The following EPDR1 variants were observed in gnomAD, a reference collection of about 807,000 sequenced individuals.
EPDR1 encodes mammalian ependymin-related protein 1.
Under a neutral mutation model 23.7 loss-of-function variants are expected in EPDR1, and 27 were observed. The ratio of observed to expected loss-of-function variants is 1.14; its 90% CI spans 0.84 to 1.57. The LOEUF (loss-of-function observed/expected upper bound fraction) is 1.57, where lower values mean the gene tolerates loss of function less well. EPDR1 is among the 40% of genes most tolerant of loss of function. The pLI is 0.00. For missense variants in EPDR1, 349 were observed against 290.4 expected, an observed-to-expected ratio of 1.20 and a Z score of -1.47; for synonymous variants, 137 against 118.2, an observed-to-expected ratio of 1.16 and a Z score of -1.03.
intron 1 of EPDR1, among the ~76,000 whole-genome samples, chr7:37,923,667 T>A (rs1001551112): frequency 6.6e-6 from 1 of 152,066 alleles, no homozygotes; most frequent in African/African-American, 2.4e-5. Context: ...TCTCCAAAGG[T>A]AGTATTTTTT....
intron 1 of EPDR1, among the ~76,000 whole-genome samples, chr7:37,927,631 G>A (rs1785844772): frequency 6.6e-6 from 1 of 152,196 alleles, no homozygotes; most frequent in Non-Finnish European, 1.5e-5. Context: ...TGGATTCTCA[G>A]TATGTCATCA....
chr7:37,938,158 T>A (rs868766787), intron 1 of EPDR1, among the ~76,000 whole-genome samples: 3 of 151,676 alleles, frequency 2.0e-5, no homozygotes, highest in Non-Finnish European at 4.4e-5. Context: ...GCCTGGCTAA[T>A]TTTTTGTATT....
intron 1 of EPDR1, among the ~76,000 whole-genome samples, chr7:37,927,724 ATCTTG>A (rs1481883115): frequency 3.9e-5 from 6 of 152,320 alleles, no homozygotes; most frequent in Non-Finnish European, 8.8e-5. Flanking sequence ...TTGATCATGA[ATCTTG>A]TCTTGCATGG....
At chr7:37,931,930 G>A (rs1375951890) in intron 1 of EPDR1, among the ~76,000 whole-genome samples, 1 of 152,050 alleles carries the variant, frequency 6.6e-6, no homozygotes, top group Admixed American at 6.6e-5. Flanking sequence ...GGATGGTCTC[G>A]ATCTCCTGAC....
intron 2 of EPDR1, 77 bp from the exon 3 acceptor site, chr7:37,950,123 A>G (rs891451347): frequency 3.5e-5 from 39 of 1,123,440 alleles, no homozygotes; most frequent in Non-Finnish European, 4.3e-5. Context: ...TGTTATGTAC[A>G]TTTTACCACC....
intron 1 of EPDR1, among the ~76,000 whole-genome samples, chr7:37,939,163 T>G (rs1786117814): frequency 6.6e-6 from 1 of 151,996 alleles, no homozygotes; most frequent in Admixed American, 6.6e-5. Flanking sequence ...GTATTTTTAG[T>G]AGAGACGGGG....
At chr7:37,937,985 A>ATTTTTTTTTTTTTTTTTTTTTTTGTT (rs1786090576) in intron 1 of EPDR1, among the ~76,000 whole-genome samples, 2 of 72,424 alleles carry the variant, frequency 2.8e-5, no homozygotes, top group Non-Finnish European at 5.3e-5. Flanking sequence ...TGCCCTTTAA[A>ATTTTTTTTTTTTTTTTTTTTTTTGTT]TTTTTTTTTT....
chr7:37,945,044 G>A (rs894825898), intron 1 of EPDR1, among the ~76,000 whole-genome samples: 2 of 152,136 alleles, frequency 1.3e-5, no homozygotes, highest in Non-Finnish European at 1.5e-5. Flanking sequence ...GGTGGCCCAC[G>A]GGTCATTAAA....
intron 1 of EPDR1, among the ~76,000 whole-genome samples, chr7:37,944,098 A>G (rs1786223629): frequency 6.6e-6 from 1 of 152,216 alleles, no homozygotes; most frequent in Non-Finnish European, 1.5e-5. Context: ...CAAGCCAAAA[A>G]TGAAGGAAAG....
At position 37,920,899 on chromosome 7, in the gene EPDR1, T is replaced by C. The variant is rs1785678298; in HGVS notation, c.-41T>C. 1 of 1,611,254 alleles carries C rather than the reference T, an allele frequency of 6.2e-7. No individual in the cohort carries two copies. Among genetic ancestry groups the C allele is most frequent in the Non-Finnish European group, 8.5e-7 (1 of 1,179,202 alleles). ...GATCCCGGACGCCTCAGCGCCCCCT[T>C]GGGCTTGGGCTTGCCCTCGGGCCGG... is the stretch of plus-strand genomic sequence containing the variant. On this transcript the variant is annotated 5_prime_UTR_variant, in exon 1 of 3. Transcript: ENST00000199448.
chr7:37,931,378 G>A (rs1283115588), intron 1 of EPDR1, among the ~76,000 whole-genome samples: 17 of 152,060 alleles, frequency 1.1e-4, no homozygotes, highest in Admixed American at 1.1e-3. Context: ...GCCAGGCATG[G>A]TGGCATGCGC....
chr7:37,948,542 C>A (rs1289621582), intron 1 of EPDR1, among the ~76,000 whole-genome samples: 2 of 151,948 alleles, frequency 1.3e-5, no homozygotes, highest in Non-Finnish European at 2.9e-5. Context: ...AGACAGGGGT[C>A]TCACTATGTT....
intron 1 of EPDR1, among the ~76,000 whole-genome samples, chr7:37,924,517 A>T (rs571480161): frequency 6.6e-6 from 1 of 152,232 alleles, no homozygotes; most frequent in Admixed American, 6.5e-5. Context: ...TAGCCTTTAG[A>T]TGTGTGTTTT....
intron 1 of EPDR1, among the ~76,000 whole-genome samples, chr7:37,932,476 T>C (rs924031210): frequency 2.0e-5 from 3 of 152,202 alleles, no homozygotes; most frequent in African/African-American, 4.8e-5. Context: ...ATCCTTGTGG[T>C]CACACATTAT....
At chr7:37,921,900 A>G (rs576248483) in intron 1 of EPDR1, among the ~76,000 whole-genome samples, 27 of 152,222 alleles carry the variant, frequency 1.8e-4, no homozygotes, top group Admixed American at 1.4e-3. Context: ...CTTGCCTCCT[A>G]TTTTTAATGG....
At chr7:37,938,905 C>T (rs1227124802) in intron 1 of EPDR1, among the ~76,000 whole-genome samples, 1 of 152,002 alleles carries the variant, frequency 6.6e-6, no homozygotes, top group Non-Finnish European at 1.5e-5. Flanking sequence ...ATCTGTGGTG[C>T]TGGCTATTGT....
chr7:37,924,622 G>A (rs2131998971), intron 1 of EPDR1, among the ~76,000 whole-genome samples: 1 of 152,266 alleles, frequency 6.6e-6, no homozygotes, highest in East Asian at 1.9e-4. Context: ...AATCCAATAG[G>A]TGCTGGTTTC....
Position 37,932,039 on chromosome 7 carries a change from G to T in EPDR1, c.269+10831G>T, listed in dbSNP as rs376230639. On this transcript the variant is annotated intron_variant, in intron 1 of 2. Coordinates refer to ENST00000199448, the MANE Select transcript of EPDR1 (RefSeq NM_017549.5). ...TTTCCTCTAGTATTTCTGGAGGTTT[G>T]ATACTCTGCTTTTTTGTTGGTTCCT... 7.9e-5 allele frequency among the ~76,000 whole-genome samples: 12 copies of T among 152,264 alleles called. No homozygotes were observed. In the East Asian group the frequency reaches 2.1e-3, roughly 27 times the overall value.
intron 1 of EPDR1, among the ~76,000 whole-genome samples, chr7:37,943,415 T>G (rs1402252702): frequency 6.6e-6 from 1 of 152,228 alleles, no homozygotes; most frequent in African/African-American, 2.4e-5. Context: ...GGCTGATCTT[T>G]GCATTTTGAC....
Sources: gnomAD v4.1 joint callset for allele counts (sites outside exome capture counted in the v4.1 genomes callset) on GRCh38, gnomAD v4.1.1 for gene constraint, MANE v1.5 for transcripts, NCBI Gene and HGNC (gene_info 2026-07-23, HGNC 2026-07-21) for gene names.